PPHLN1: variants seen among roughly 807,000 people sequenced by gnomAD.
PPHLN1 encodes the protein periphilin-1.
PPHLN1 carries 29 observed loss-of-function variants against 51.3 expected under a neutral mutation model. The ratio of observed to expected loss-of-function variants is 0.57; its 90% CI spans 0.42 to 0.77. The LOEUF (loss-of-function observed/expected upper bound fraction) is 0.77, where lower values mean the gene tolerates loss of function less well. Ranked by LOEUF, PPHLN1 falls within the 30% of genes least tolerant of loss-of-function variation. PPHLN1 has a pLI of 0.00. For synonymous variants in PPHLN1, 147 were observed against 147.8 expected (o/e 0.99, Z 0.04); for missense variants, 436 against 438.4 (o/e 0.99, Z 0.05).
chr12:42,424,892 C>G (rs940494960), intron 9 of PPHLN1, among the ~76,000 whole-genome samples: 1 of 151,492 alleles, frequency 6.6e-6, no homozygotes, highest in African/African-American at 2.4e-5. Context: ...TTACAGAAAA[C>G]AAAAAGAAAA....
intron 9 of PPHLN1, among the ~76,000 whole-genome samples, chr12:42,408,110 T>G (rs1396523520): frequency 6.6e-6 from 1 of 152,222 alleles, no homozygotes; most frequent in African/African-American, 2.4e-5. Flanking sequence ...TTAGTATTCT[T>G]TATTAATAAT....
chr12:42,383,805 C>T (rs2076953831), intron 5 of PPHLN1, among the ~76,000 whole-genome samples: 1 of 151,482 alleles, frequency 6.6e-6, no homozygotes, highest in Non-Finnish European at 1.5e-5. Context: ...ATGGTGAAAC[C>T]TCGTCTCTAC....
intron 8 of PPHLN1, among the ~76,000 whole-genome samples, chr12:42,397,231 A>G (rs1198650646): frequency 6.6e-6 from 1 of 152,148 alleles, no homozygotes; most frequent in Admixed American, 6.5e-5. Flanking sequence ...CAGTGGAATC[A>G]CTAGTGTTGG....
chr12:42,410,578 C>T (rs1392557655), intron 9 of PPHLN1, among the ~76,000 whole-genome samples: 1 of 152,182 alleles, frequency 6.6e-6, no homozygotes, highest in Non-Finnish European at 1.5e-5. Flanking sequence ...ATGAATGGTA[C>T]TGGAAAGGGT....
intron 9 of PPHLN1, among the ~76,000 whole-genome samples, chr12:42,420,579 T>G (rs1042170027): frequency 7.3e-5 from 11 of 151,626 alleles, no homozygotes; most frequent in Non-Finnish European, 7.4e-5. Flanking sequence ...CAAGTGATTC[T>G]CCTGCCTCAG....
chr12:42,441,028 C>T (rs2082902917), intron 9 of PPHLN1, among the ~76,000 whole-genome samples: 5 of 152,166 alleles, frequency 3.3e-5, no homozygotes, highest in African/African-American at 1.2e-4. Flanking sequence ...AGTCTGATGT[C>T]CTTTGAGTAG....
At chr12:42,432,132 C>A in intron 9 of PPHLN1, 1 of 1,202,934 alleles carries the variant, frequency 8.3e-7, no homozygotes, top group African/African-American at 1.5e-5. Context: ...CCTGCTGTCA[C>A]GCTGATGTCG....
At chr12:42,332,070 G>A (rs1297070230) in intron 1 of PPHLN1, among the ~76,000 whole-genome samples, 1 of 152,178 alleles carries the variant, frequency 6.6e-6, no homozygotes, top group Non-Finnish European at 1.5e-5. Context: ...GCCAGGTGTG[G>A]TGGTATGCCT....
chr12:42,327,142 C>T (rs3810789), intron 1 of PPHLN1, among the ~76,000 whole-genome samples: 28,029 of 152,136 alleles, frequency 0.18, 2,818 homozygotes, highest in African/African-American at 0.25. Flanking sequence ...CTGTGGTCTT[C>T]TGTGCTATAG....
intron 5 of PPHLN1, chr12:42,375,302 C>A: frequency 3.4e-6 from 1 of 289,988 alleles, no homozygotes; most frequent in Non-Finnish European, 6.4e-6. Flanking sequence ...TTAATTTCTT[C>A]AGCATGTAAA....
chr12:42,412,779 C>T (rs1322798253), intron 9 of PPHLN1, among the ~76,000 whole-genome samples: 2 of 152,160 alleles, frequency 1.3e-5, no homozygotes, highest in African/African-American at 2.4e-5. Flanking sequence ...GCATCCACAC[C>T]AACATTATTG....
In PPHLN1 at chr12:42,425,480, G is replaced by A. The variant is rs573149502; in HGVS notation, c.910-15835G>A. Among the ~76,000 whole-genome samples, 169 of 151,710 alleles carry A rather than the reference G, an allele frequency of 1.1e-3. 2 individuals carry two copies. Among genetic ancestry groups the A allele is most frequent in the Admixed American group, 4.6e-3 (70 of 15,234 alleles). On this transcript the variant is annotated intron_variant, in intron 9 of 9. Transcript: ENST00000358314. ...CAGCCCACTGCAACCTCTGCCTCCC[G>A]GGTTCAAGCAGTTCTCCTCCCTCAG... is the stretch of plus-strand genomic sequence containing the variant.
intron 7 of PPHLN1, among the ~76,000 whole-genome samples, chr12:42,390,182 C>T (rs992433011): frequency 2.0e-5 from 3 of 152,166 alleles, no homozygotes; most frequent in Non-Finnish European, 4.4e-5. Context: ...GGGGCAGCTG[C>T]TTCCCTGCCT....
chr12:42,436,408 C>G (rs1388002786), intron 9 of PPHLN1, among the ~76,000 whole-genome samples: 1 of 152,226 alleles, frequency 6.6e-6, no homozygotes, highest in Admixed American at 6.5e-5. Flanking sequence ...AAATCAATCT[C>G]TTCCTCACTT....
chr12:42,362,217 G>T (rs942003939), intron 4 of PPHLN1, among the ~76,000 whole-genome samples: 4 of 151,846 alleles, frequency 2.6e-5, no homozygotes, highest in Non-Finnish European at 4.4e-5. Context: ...TGAGTTTTTT[G>T]ATTTTTTTTA....
At chr12:42,446,119 TCGTCG>T (rs2083305760), downstream of PPHLN1, 1 of 1,560,904 alleles carries the variant, frequency 6.4e-7, no homozygotes, top group Non-Finnish European at 8.7e-7. Flanking sequence ...AGAAACGGGT[TCGTCG>T]GACGACACAG....
intron 3 of PPHLN1, among the ~76,000 whole-genome samples, chr12:42,352,619 A>G (rs1333935657): frequency 6.7e-6 from 1 of 150,104 alleles, no homozygotes; most frequent in Non-Finnish European, 1.5e-5. Flanking sequence ...CATGTTGGCC[A>G]GGCTGGTCTT....
chr12:42,358,899 T>C (rs1786994531), intron 4 of PPHLN1, among the ~76,000 whole-genome samples: 1 of 152,104 alleles, frequency 6.6e-6, no homozygotes, highest in Non-Finnish European at 1.5e-5. Flanking sequence ...GGTATATATA[T>C]GTATTTTAAA....
chr12:42,327,624 C>A (rs1455287249), intron 1 of PPHLN1, among the ~76,000 whole-genome samples: 1 of 152,204 alleles, frequency 6.6e-6, no homozygotes, highest in Non-Finnish European at 1.5e-5. Context: ...GCTATGTACT[C>A]TTAGCTGTCC....
Sources: gnomAD v4.1 joint callset for allele counts (sites outside exome capture counted in the v4.1 genomes callset) on GRCh38, gnomAD v4.1.1 for gene constraint, MANE v1.5 for transcripts, NCBI Gene and HGNC (gene_info 2026-07-23, HGNC 2026-07-21) for gene names.